The following DNAH17 variants were observed in gnomAD, a reference collection of about 807,000 sequenced individuals.
DNAH17 encodes axonemal beta dynein heavy chain 17.
DNAH17 carries 376 observed loss-of-function variants against 485.6 expected under a neutral mutation model. The ratio of observed to expected loss-of-function variants is 0.77; its 90% confidence interval spans 0.71 to 0.84. DNAH17 has a LOEUF of 0.84. DNAH17 is among the 40% of genes least tolerant of loss of function. The pLI is 0.00. For missense variants in DNAH17, 6,370 were observed against 5,839.3 expected, an observed-to-expected ratio of 1.09 and a Z score of -2.96; for synonymous variants, 3,031 against 2,405.9, an observed-to-expected ratio of 1.26 and a Z score of -7.60.
At chr17:78,485,422 G>A (rs900471124) in intron 47 of DNAH17, 128 bp downstream of exon 47, 10 of 895,448 alleles carry the variant, frequency 1.1e-5, no homozygotes, top group Non-Finnish European at 1.3e-5. Flanking sequence ...GCCAGCGGGT[G>A]GGGCATGGGA....
rs2089317413 is a variant in DNAH17, at chr17:78,480,863, A to T, written c.7650-77T>A. 3 of 959,120 alleles carry T rather than the reference A, an allele frequency of 3.1e-6. No homozygotes were observed. The South Asian group carries it at 4.2e-5, about 14-fold the overall frequency. The allele number at this position is 959,120 out of a possible 1,614,324, so 59.4% of individuals were successfully genotyped here. On this transcript the variant is annotated intron_variant, in intron 48 of 80. Coordinates refer to ENST00000389840, the MANE Select transcript of DNAH17 (RefSeq NM_173628.4). The stretch of plus-strand genomic sequence containing the variant: ...CCCCTGCCCCCACTGTGCTCCCAAG[A>T]ATGCCCTCCTTATTATTATTTTTTT...
intron 47 of DNAH17, 142 bp downstream of exon 47, chr17:78,485,408 A>G: frequency 1.2e-6 from 1 of 830,584 alleles, no homozygotes; most frequent in Non-Finnish European, 1.9e-6. Flanking sequence ...CTCAGGAAGG[A>G]AAGGCCAGCG....
In DNAH17 at chr17:78,465,467, T is replaced by C. The variant is rs867254334; in HGVS notation, c.8940+1188A>G. The stretch of plus-strand genomic sequence containing the variant: ...GAGGAGCGTCTCCGCCCGGCTGCCA[T>C]CCCACCTAGGAAGTGAGGAACACCT... On this transcript the variant is annotated intron_variant, in intron 56 of 80. Coordinates refer to ENST00000389840, the MANE Select transcript of DNAH17 (RefSeq NM_173628.4). Among the ~76,000 whole-genome samples the C allele has an allele frequency of 2.1e-3, 247 of 119,592 alleles. 1 individual carries two copies. The highest frequency in any genetic ancestry group is 7.3e-3 in the African/African-American group (235 of 32,042). The allele number at this position is 119,592 out of a possible 152,430, so 78.5% of individuals were successfully genotyped here.
At chr17:78,571,981 G>A (rs1005974919) in intron 3 of DNAH17, among the ~76,000 whole-genome samples, 199 bp from the exon 4 acceptor site, 4 of 152,194 alleles carry the variant, frequency 2.6e-5, no homozygotes, top group Non-Finnish European at 4.4e-5. Flanking sequence ...AGAGCCCAGG[G>A]AAATAATGGG....
At chr17:78,476,550 G>A (rs1051584074) in intron 52 of DNAH17, 22 bp downstream of exon 52, 5 of 1,599,738 alleles carry the variant, frequency 3.1e-6, no homozygotes, top group East Asian at 2.2e-5. Context: ...GCTCGGCAGA[G>A]GGACTGGGCA....
chr17:78,445,462 G>A, intron 70 of DNAH17, 96 bp downstream of exon 70: 6 of 1,469,234 alleles, frequency 4.1e-6, no homozygotes, highest in Non-Finnish European at 5.5e-6. Flanking sequence ...GGGCCACAGA[G>A]CCTGGTATTC....
At chr17:78,429,371 C>T (rs2086594731) in intron 75 of DNAH17, 71 bp from the exon 76 acceptor site, 4 of 1,512,476 alleles carry the variant, frequency 2.6e-6, no homozygotes, top group Non-Finnish European at 3.6e-6. Flanking sequence ...GGGTCAGGCT[C>T]AGGCAGGCAG....
At chr17:78,543,690 G>A in intron 17 of DNAH17, 167 bp downstream of exon 17, 1 of 995,384 alleles carries the variant, frequency 1.0e-6, no homozygotes. Context: ...CTCCCAGAGT[G>A]CTGGGATTAC....
In DNAH17 at chr17:78,466,950, G is replaced by A. The variant is rs2088498263; in HGVS notation, c.8779-134C>T. On this transcript the variant is annotated intron_variant, in intron 55 of 80. Coordinates refer to ENST00000389840, the MANE Select transcript of DNAH17 (RefSeq NM_173628.4). ...AGCCGCCCAGGGCCTGGGCAGCACA[G>A]TCCTGGTTCTGGGTTTGAAGGGCGG... 4 of 909,628 alleles carry A rather than the reference G, an allele frequency of 4.4e-6. No homozygotes were observed. In the East Asian group the frequency reaches 1.2e-4, roughly 28 times the overall value. 56.3% of individuals were successfully genotyped at this position (909,628 alleles called of 1,614,324 possible). A position where few individuals can be genotyped will look rare whatever the true frequency, so the allele number is the denominator to read the frequency against.
At position 78,479,127 on chromosome 17, in the gene DNAH17, A is replaced by G. The variant is rs747475807; in HGVS notation, c.7901-11T>C. 67 of 1,612,928 alleles carry G rather than the reference A, an allele frequency of 4.2e-5. No individual in the cohort carries two copies. The African/African-American group carries it at 7.3e-4, about 18-fold the overall frequency. The stretch of plus-strand genomic sequence containing the variant: ...TTTTCTGATGCAAAGCTGTTAGAGG[A>G]AAAGGACGTGTCAATTCTCATGTAC... On this transcript the variant is annotated splice_polypyrimidine_tract_variant and intron_variant, in intron 50 of 80. Transcript: ENST00000389840.
chr17:78,527,037 C>A (rs919916570), intron 22 of DNAH17, 41 bp from the exon 23 acceptor site: 1 of 1,476,434 alleles, frequency 6.8e-7, no homozygotes, highest in South Asian at 1.2e-5. Flanking sequence ...TTTCTCATTT[C>A]TTTTCTTAAA....
intron 21 of DNAH17, 127 bp from the exon 22 acceptor site, chr17:78,529,821 G>T: frequency 4.5e-6 from 4 of 896,800 alleles, no homozygotes; most frequent in East Asian, 2.7e-5. Flanking sequence ...GCCCCAGGTG[G>T]GGAGGGAGCG....
intron 20 of DNAH17, among the ~76,000 whole-genome samples, chr17:78,531,617 C>A (rs535604649): frequency 1.4e-4 from 22 of 152,266 alleles, no homozygotes; most frequent in Non-Finnish European, 2.8e-4. Context: ...GTATCACAGG[C>A]GTGAGCCACC....
chr17:78,545,386 A>T (rs1484449014), intron 16 of DNAH17, among the ~76,000 whole-genome samples: 1 of 152,196 alleles, frequency 6.6e-6, no homozygotes, highest in Non-Finnish European at 1.5e-5. Context: ...TAAGCAACAG[A>T]CATTTCTCAC....
intron 48 of DNAH17, 148 bp from the exon 49 acceptor site, chr17:78,480,934 A>T: frequency 1.6e-6 from 1 of 626,182 alleles, no homozygotes; most frequent in South Asian, 1.8e-5. Flanking sequence ...GCAGTGGCAC[A>T]ATCTCGGCTC....
At position 78,461,477 on chromosome 17, in the gene DNAH17, T is replaced by G. The variant is rs692529; in HGVS notation, c.9339+67A>C. 0.91 allele frequency: 1,297,526 copies of G among 1,419,264 alleles called. 593,613 individuals carry two copies. Among genetic ancestry groups the G allele is most frequent in the East Asian group, 0.99 (35,946 of 36,132 alleles). The allele number at this position is 1,419,264 out of a possible 1,614,324, so 87.9% of individuals were successfully genotyped here. The stretch of plus-strand genomic sequence containing the variant: ...CCTGTCGGTGGCACCTGACCACACG[T>G]GGAAGCCCAGGAGGCCTGGCCAGTG... On this transcript the variant is annotated intron_variant, in intron 58 of 80. Transcript: ENST00000389840.
In DNAH17 at chr17:78,561,277, A is replaced by C. The variant is rs560084538; in HGVS notation, c.1836-342T>G. Among the ~76,000 whole-genome samples the C allele has an allele frequency of 2.0e-5, 3 of 147,430 alleles. 1 individual carries two copies. Among genetic ancestry groups the C allele is most frequent in the East Asian group, 2.0e-4 (1 of 4,974 alleles). On this transcript the variant is annotated intron_variant, in intron 12 of 80. Coordinates refer to ENST00000389840, the MANE Select transcript of DNAH17 (RefSeq NM_173628.4). ...AGATGAAAGCAAATACGCCCCCCAA[A>C]CAACCACATAAAAGGCCCCCCTCCT...
At chr17:78,446,417 C>T (rs1251193872) in intron 69 of DNAH17, among the ~76,000 whole-genome samples, 2 of 151,996 alleles carry the variant, frequency 1.3e-5, no homozygotes, top group South Asian at 2.1e-4. Flanking sequence ...TGGAAGCACA[C>T]GACATGCCCC....
intron 63 of DNAH17, 87 bp from the exon 64 acceptor site, chr17:78,454,792 G>C: frequency 8.2e-7 from 1 of 1,221,142 alleles, no homozygotes; most frequent in South Asian, 1.4e-5. Context: ...GCTCTGTCTG[G>C]TGCTGCGGTT....
Sources: allele counts gnomAD v4.1 joint callset (sites outside exome capture counted in the v4.1 genomes callset), GRCh38; gene constraint gnomAD v4.1.1; transcripts MANE v1.5; gene names NCBI Gene and HGNC (gene_info 2026-07-23, HGNC 2026-07-21).